The following THRB variants were observed in gnomAD, a reference collection of about 807,000 sequenced individuals.
THRB encodes nuclear receptor subfamily 1 group A member 2.
THRB carries 12 observed loss-of-function variants against 47.8 expected under a neutral mutation model. The observed-to-expected ratio is 0.25, with a 90% confidence interval of 0.16 to 0.41. The LOEUF (loss-of-function observed/expected upper bound fraction) is 0.41, where lower values mean the gene tolerates loss of function less well. THRB is among the 10% of genes least tolerant of loss of function. The pLI, the probability that THRB is intolerant of heterozygous loss-of-function variation, is 1.00. For missense variants in THRB, 348 were observed against 589.2 expected (o/e 0.59, Z 4.24); for synonymous variants, 218 against 212.2 (o/e 1.03, Z -0.24).
At chr3:24,208,773 C>T (rs995439721) in intron 4 of THRB, among the ~76,000 whole-genome samples, 11 of 152,252 alleles carry the variant, frequency 7.2e-5, no homozygotes, top group Non-Finnish European at 1.3e-4. Flanking sequence ...CAATGCCATT[C>T]GGGACATAGG....
intron 1 of THRB, among the ~76,000 whole-genome samples, chr3:24,359,994 C>T (rs966493630): frequency 1.3e-5 from 2 of 152,158 alleles, no homozygotes; most frequent in African/African-American, 4.8e-5. Flanking sequence ...CTGTGAAACT[C>T]AACCACTCAT....
chr3:24,466,920 G>T (rs766550205), intron 1 of THRB, among the ~76,000 whole-genome samples: 1 of 152,106 alleles, frequency 6.6e-6, no homozygotes, highest in Non-Finnish European at 1.5e-5. Context: ...CAATAATGAA[G>T]TTTGCTGCAT....
chr3:24,289,900 A>C (rs2055744569), intron 3 of THRB, among the ~76,000 whole-genome samples: 1 of 152,082 alleles, frequency 6.6e-6, no homozygotes, highest in Non-Finnish European at 1.5e-5. Context: ...CTTCACCTTT[A>C]CTTATAGATT....
chr3:24,157,442 G>A (rs1012723182), intron 5 of THRB, among the ~76,000 whole-genome samples: 1 of 152,072 alleles, frequency 6.6e-6, no homozygotes, highest in Admixed American at 6.5e-5. Context: ...AGGCTTTAGT[G>A]CAGAAAAAGG....
intron 8 of THRB, among the ~76,000 whole-genome samples, chr3:24,143,271 T>C (rs1575374906): frequency 6.6e-6 from 1 of 152,318 alleles, no homozygotes; most frequent in East Asian, 1.9e-4. Context: ...CCTAAGAAAC[T>C]GTTTTAGAAT....
chr3:24,139,032 G>A (rs75002101), intron 8 of THRB, among the ~76,000 whole-genome samples: 1 of 152,286 alleles, frequency 6.6e-6, no homozygotes, highest in East Asian at 1.9e-4. Flanking sequence ...TACCCTTGGT[G>A]GAGTGACCTG....
At chr3:24,398,979 C>CA (rs1353248930) in intron 1 of THRB, among the ~76,000 whole-genome samples, 2 of 149,098 alleles carry the variant, frequency 1.3e-5, no homozygotes, top group Non-Finnish European at 3.0e-5. Flanking sequence ...ATCGCAAGGA[C>CA]AAAAAACCAA....
intron 1 of THRB, among the ~76,000 whole-genome samples, chr3:24,469,044 A>T (rs917226530): frequency 6.6e-6 from 1 of 152,196 alleles, no homozygotes; most frequent in African/African-American, 2.4e-5. Flanking sequence ...ACACAGACAC[A>T]TCCCCATGGC....
chr3:24,194,993 AT>A (rs2043793765), intron 4 of THRB, among the ~76,000 whole-genome samples: 1 of 152,214 alleles, frequency 6.6e-6, no homozygotes, highest in South Asian at 2.1e-4. Context: ...CATATTCTGC[AT>A]TAGGGGTGTG....
chr3:24,281,312 C>T (rs2054574845), intron 3 of THRB, among the ~76,000 whole-genome samples: 1 of 151,036 alleles, frequency 6.6e-6, no homozygotes, highest in African/African-American at 2.4e-5. Flanking sequence ...AATTTTCAAC[C>T]CAGAATTTCA....
chr3:24,310,324 G>A (rs1450188305), intron 2 of THRB, among the ~76,000 whole-genome samples: 1 of 152,172 alleles, frequency 6.6e-6, no homozygotes, highest in Non-Finnish European at 1.5e-5. Flanking sequence ...AAAATAAAAT[G>A]ATGTACTTTG....
intron 1 of THRB, among the ~76,000 whole-genome samples, chr3:24,444,472 A>T (rs1171157973): frequency 6.7e-6 from 1 of 150,166 alleles, no homozygotes. Flanking sequence ...GACCTCTACA[A>T]ATAAATGATT....
At chr3:24,365,373 C>T (rs1158369411) in intron 1 of THRB, among the ~76,000 whole-genome samples, 1 of 152,154 alleles carries the variant, frequency 6.6e-6, no homozygotes, top group Non-Finnish European at 1.5e-5. Context: ...GAATCTCCAG[C>T]CAACTTCGTG....
At chr3:24,252,907 C>T (rs1428455812) in intron 3 of THRB, among the ~76,000 whole-genome samples, 2 of 152,032 alleles carry the variant, frequency 1.3e-5, no homozygotes, top group African/African-American at 4.8e-5. Context: ...AAGAAACTAA[C>T]AACACTGCCT....
chr3:24,425,715 G>T (rs972958454), intron 1 of THRB, among the ~76,000 whole-genome samples: 1 of 151,752 alleles, frequency 6.6e-6, no homozygotes, highest in Non-Finnish European at 1.5e-5. Context: ...TGCCTATGGG[G>T]GATTATTCTA....
At chr3:24,445,476 G>A (rs1392152943) in intron 1 of THRB, among the ~76,000 whole-genome samples, 1 of 152,096 alleles carries the variant, frequency 6.6e-6, no homozygotes. Flanking sequence ...ATAATTTCCA[G>A]AGACATAACA....
At chr3:24,124,079 T>C (rs1221602182) in intron 10 of THRB, among the ~76,000 whole-genome samples, 2 of 152,212 alleles carry the variant, frequency 1.3e-5, no homozygotes, top group Non-Finnish European at 2.9e-5. Context: ...TTCAGTTTGT[T>C]CTTTGTGGCT....
At position 24,146,841 on chromosome 3, in the gene THRB, C is replaced by T. The variant is rs748860253; in HGVS notation, c.385-19G>A. 2 of 1,611,468 alleles carry T rather than the reference C, an allele frequency of 1.2e-6. No individual in the cohort carries two copies. Among genetic ancestry groups the T allele is most frequent in the Admixed American group, 1.7e-5 (1 of 59,996 alleles). ...AGAAACCCTATATGAAAAACAAAGACCCAAGACAACAGTTTCATATTTTCT... is the reference window on the plus strand; with the variant it reads ...AGAAACCCTATATGAAAAACAAAGATCCAAGACAACAGTTTCATATTTTCT... On this transcript the variant is annotated intron_variant, in intron 6 of 10. Transcript: ENST00000646209.
At chr3:24,254,692 G>C (rs2150400985) in intron 3 of THRB, among the ~76,000 whole-genome samples, 1 of 152,232 alleles carries the variant, frequency 6.6e-6, no homozygotes, top group African/African-American at 2.4e-5. Context: ...CTTCTAAAGG[G>C]CTCAGTTCTT....
Sources: gnomAD v4.1 joint callset for allele counts (sites outside exome capture counted in the v4.1 genomes callset) on GRCh38, gnomAD v4.1.1 for gene constraint, MANE v1.5 for transcripts, NCBI Gene and HGNC (gene_info 2026-07-23, HGNC 2026-07-21) for gene names.